The following FARS2 variants were observed in gnomAD, a reference collection of about 807,000 sequenced individuals.
The protein encoded by FARS2 is phenylalanine--tRNA ligase, mitochondrial.
In FARS2, 40 loss-of-function variants were observed where a neutral mutation model predicts 46.4. That is an observed-to-expected ratio of 0.86 (90% CI 0.67 to 1.12). The LOEUF (loss-of-function observed/expected upper bound fraction) is 1.12. Among genes scored for constraint, FARS2 ranks in the 50% most tolerant of loss-of-function variants. The probability of loss-of-function intolerance (pLI) is 0.00; values close to 1 mark genes in which losing one functional copy is unlikely to be tolerated. For missense variants in FARS2, 513 were observed against 567.9 expected (o/e 0.90, Z 0.98); for synonymous variants, 234 against 214.9 (o/e 1.09, Z -0.78).
intron 5 of FARS2, among the ~76,000 whole-genome samples, chr6:5,569,299 C>T (rs187484634): frequency 1.3e-4 from 20 of 151,134 alleles, no homozygotes; most frequent in African/African-American, 4.6e-4. Flanking sequence ...TGCAGTGGCA[C>T]AGTCATGGCT....
rs554877854 is a variant in FARS2 at position 5,470,992 on chromosome 6, A to G, written c.904+39820A>G. Among the ~76,000 whole-genome samples the G allele has an allele frequency of 3.3e-5, 5 of 152,304 alleles. No individual in the cohort carries two copies. The East Asian group carries it at 9.6e-4, about 29-fold the overall frequency. On this transcript the variant is annotated intron_variant, in intron 4 of 6. Transcript: ENST00000274680. The stretch of plus-strand genomic sequence containing the variant: ...ATATTCTATTTATAACAGCCAGTCT[A>G]TTATCTGGTTCTCTTCCTCTTCCTG...
chr6:5,599,211 A>G (rs1430394818), intron 5 of FARS2, among the ~76,000 whole-genome samples: 1 of 152,210 alleles, frequency 6.6e-6, no homozygotes, highest in African/African-American at 2.4e-5. Flanking sequence ...ATCTCCACTC[A>G]TTTTAAATGA....
intron 3 of FARS2, among the ~76,000 whole-genome samples, chr6:5,428,596 C>T (rs1390075310): frequency 6.6e-6 from 1 of 152,184 alleles, no homozygotes; most frequent in African/African-American, 2.4e-5. Context: ...GTCTGTCAGT[C>T]CTTCTGCACT....
intron 6 of FARS2, among the ~76,000 whole-genome samples, chr6:5,719,180 C>G (rs145221563): frequency 0.011 from 1,736 of 152,036 alleles, 46 homozygotes; most frequent in African/African-American, 0.04. Context: ...CCCAGGAGTT[C>G]AAGACCAGCC....
chr6:5,508,248 A>T (rs1206330879), intron 4 of FARS2, among the ~76,000 whole-genome samples: 1 of 152,268 alleles, frequency 6.6e-6, no homozygotes, highest in African/African-American at 2.4e-5. Context: ...CCAGGAATGT[A>T]GGTGATCCCC....
At position 5,704,658 on chromosome 6, in the gene FARS2, C is replaced by G. The variant is rs866736013; in HGVS notation, c.1218-66633C>G. 7.2e-5 allele frequency among the ~76,000 whole-genome samples: 11 copies of G among 152,116 alleles called. 1 individual carries two copies. The highest frequency in any genetic ancestry group is 2.7e-4 in the African/African-American group (11 of 41,424). Reference sequence around the variant, plus strand: ...AAAAAGTGAAAATAATGCGTAAATCCTAGAACTCAAGACATACGCAAGAGG... The same window carrying G: ...AAAAAGTGAAAATAATGCGTAAATCGTAGAACTCAAGACATACGCAAGAGG... On this transcript the variant is annotated intron_variant, in intron 6 of 6. Transcript: ENST00000274680.
chr6:5,316,329 T>C (rs1199410116), intron 1 of FARS2, among the ~76,000 whole-genome samples: 1 of 152,168 alleles, frequency 6.6e-6, no homozygotes, highest in African/African-American at 2.4e-5. Flanking sequence ...GTTGTGAACA[T>C]TGTAAATGTG....
intron 6 of FARS2, among the ~76,000 whole-genome samples, chr6:5,666,163 T>A (rs1057331874): frequency 6.6e-5 from 10 of 152,200 alleles, no homozygotes; most frequent in African/African-American, 2.4e-4. Flanking sequence ...ATGTGTGCAG[T>A]TCTTAGTGCC....
intron 5 of FARS2, among the ~76,000 whole-genome samples, chr6:5,573,395 GAC>G (rs137921539): frequency 1.1e-3 from 173 of 151,132 alleles, no homozygotes; most frequent in African/African-American, 4.0e-3. Context: ...TTCTTTTATT[GAC>G]ACACACACAC....
intron 6 of FARS2, among the ~76,000 whole-genome samples, chr6:5,673,216 T>C (rs1034077370): frequency 6.6e-6 from 1 of 152,208 alleles, no homozygotes; most frequent in Admixed American, 6.5e-5. Context: ...TTGATTATAA[T>C]CATGTATGTG....
intron 6 of FARS2, among the ~76,000 whole-genome samples, chr6:5,742,317 G>A (rs544439638): frequency 9.9e-5 from 15 of 152,262 alleles, no homozygotes; most frequent in African/African-American, 3.1e-4. Context: ...TTCTCTCTGC[G>A]TTGCTTCTTT....
intron 1 of FARS2, among the ~76,000 whole-genome samples, chr6:5,281,794 T>G (rs561817173): frequency 2.6e-5 from 4 of 152,338 alleles, no homozygotes; most frequent in Admixed American, 2.6e-4. Flanking sequence ...CATAATTGCC[T>G]TGTATTGGGA....
At chr6:5,545,118 T>C (rs1770879704) in intron 4 of FARS2, 62 bp from the exon 5 acceptor site, 1 of 1,479,942 alleles carries the variant, frequency 6.8e-7, no homozygotes, top group East Asian at 2.3e-5. Context: ...TGTCAGGGAG[T>C]GGTATGAACC....
At chr6:5,251,366 A>G in the FARS2 span, among the ~76,000 whole-genome samples, 4 of 152,188 alleles carry the variant, frequency 2.6e-5, no homozygotes, top group Non-Finnish European at 4.4e-5. Flanking sequence ...TTGACTGGCT[A>G]ATTTATGAAG....
chr6:5,287,784 A>G (rs1767226464), intron 1 of FARS2, among the ~76,000 whole-genome samples: 1 of 152,074 alleles, frequency 6.6e-6, no homozygotes. Context: ...ATTCCTTAAG[A>G]TGCGGAGCTC....
At chr6:5,659,474 T>A (rs1236898293) in intron 6 of FARS2, among the ~76,000 whole-genome samples, 1 of 152,212 alleles carries the variant, frequency 6.6e-6, no homozygotes, top group Non-Finnish European at 1.5e-5. Context: ...TTATCTTTAA[T>A]TCTTAGCCCA....
chr6:5,338,367 G>T (rs910330298), intron 1 of FARS2, among the ~76,000 whole-genome samples: 1 of 152,166 alleles, frequency 6.6e-6, no homozygotes, highest in South Asian at 2.1e-4. Flanking sequence ...TTGCTCTCTG[G>T]GTGTGTTTTC....
At position 5,265,703 on chromosome 6, in the gene FARS2, C is replaced by G. The variant is rs1581643777; in HGVS notation, c.-22+4043C>G. ...TTTCCAGAAGTTTATACTTTAAATG[C>G]ATTTGTATATGATTAAAATAAGGTA... is the stretch of plus-strand genomic sequence containing the variant. On this transcript the variant is annotated intron_variant, in intron 1 of 6. Coordinates refer to ENST00000274680, the MANE Select transcript of FARS2 (RefSeq NM_006567.5). Among the ~76,000 whole-genome samples the G allele has an allele frequency of 6.6e-5, 10 of 152,152 alleles. No individual in the cohort carries two copies. In the South Asian group the frequency reaches 1.9e-3, roughly 28 times the overall value.
At position 5,568,392 on chromosome 6, in the gene FARS2, C is replaced by A. The variant is rs187409681; in HGVS notation, c.1065+23052C>A. ...TAATTATTTATAAAACATTTCTGAG[C>A]ATCTGCTCTTGTGCCAGGCACCGTG... On this transcript the variant is annotated intron_variant, in intron 5 of 6. Transcript: ENST00000274680. Among the ~76,000 whole-genome samples the A allele has an allele frequency of 1.8e-4, 28 of 152,272 alleles. 1 individual carries two copies. The East Asian group carries it at 5.2e-3, about 28-fold the overall frequency.
Sources: gnomAD v4.1 joint callset for allele counts (sites outside exome capture counted in the v4.1 genomes callset) on GRCh38, gnomAD v4.1.1 for gene constraint, MANE v1.5 for transcripts, NCBI Gene and HGNC (gene_info 2026-07-23, HGNC 2026-07-21) for gene names.